Variants in SPTBN1 observed in about 807,000 individuals in gnomAD.
The protein encoded by SPTBN1 is spectrin beta chain, non-erythrocytic 1.
Under a neutral mutation model 266.4 loss-of-function variants are expected in SPTBN1, and 32 were observed. The observed-to-expected ratio is 0.12, with a 90% CI of 0.09 to 0.16. SPTBN1 has a LOEUF of 0.16. Among genes scored for constraint, SPTBN1 ranks in the 10% least tolerant of loss-of-function variants. The pLI is 1.00. For missense variants in SPTBN1, 2,296 were observed against 3,067.1 expected (o/e 0.75, Z 5.94); for synonymous variants, 1,336 against 1,162.2 (o/e 1.15, Z -3.04).
At chr2:54,496,461 T>G (rs1325517186) in intron 1 of SPTBN1, among the ~76,000 whole-genome samples, 1 of 120,880 alleles carries the variant, frequency 8.3e-6, no homozygotes, top group Non-Finnish European at 1.8e-5. Flanking sequence ...AAAAAAAAAG[T>G]ATGAATAACA....
At chr2:54,610,040 C>T (rs1043415088) in intron 3 of SPTBN1, among the ~76,000 whole-genome samples, 1 of 114,224 alleles carries the variant, frequency 8.8e-6, no homozygotes, top group Non-Finnish European at 1.9e-5. Context: ...AGGGCACTTT[C>T]GTCTGCATTA....
chr2:54,629,270 G>A lies in SPTBN1; in HGVS notation c.2136G>A (p.Ser712=), dbSNP rs146810411. 2.9e-4 allele frequency: 463 copies of A among 1,614,036 alleles called. 5 individuals carry two copies. In the East Asian group the frequency reaches 7.2e-3, roughly 25 times the overall value. The change falls in exon 14 of 36, where the codon TCG becomes TCA. Residue 712 remains serine (S), a synonymous_variant. Transcript: ENST00000356805. ...EDMIAEEHFG[S]EKIRERIIYI... is the part of the protein sequence containing the mutation. ...TGATCGCGGAGGAGCACTTCGGGTC[G>A]GAGAAGATCCGTGAGAGGATCATTT... is the stretch of plus-strand genomic sequence containing the variant.
At chr2:54,581,862 A>G (rs1443284036) in intron 2 of SPTBN1, among the ~76,000 whole-genome samples, 2 of 152,170 alleles carry the variant, frequency 1.3e-5, no homozygotes, top group Non-Finnish European at 2.9e-5. Context: ...TAATTACCAC[A>G]AGCTATGCTT....
chr2:54,651,305 C>T (rs1287282323), intron 26 of SPTBN1, among the ~76,000 whole-genome samples: 7 of 152,138 alleles, frequency 4.6e-5, no homozygotes, highest in African/African-American at 1.7e-4. Flanking sequence ...AGAAGGGTCT[C>T]GGAACATCCA....
intron 2 of SPTBN1, among the ~76,000 whole-genome samples, chr2:54,531,707 G>A (rs1372075246): frequency 6.6e-6 from 1 of 151,678 alleles, no homozygotes; most frequent in Non-Finnish European, 1.5e-5. Context: ...CACTTCCAGT[G>A]CCTAGTTCTT....
At chr2:54,505,110 C>G (rs1669484771) in intron 1 of SPTBN1, among the ~76,000 whole-genome samples, 1 of 152,224 alleles carries the variant, frequency 6.6e-6, no homozygotes, top group African/African-American at 2.4e-5. Context: ...GAAATATCTT[C>G]TGAGCCTCAT....
At chr2:54,581,577 C>CTTTTTTTTTTTTTTTTTTTTTTTTT (rs70944181) in intron 2 of SPTBN1, among the ~76,000 whole-genome samples, 14 of 102,656 alleles carry the variant, frequency 1.4e-4, no homozygotes, top group Admixed American at 2.2e-4. Flanking sequence ...TTTCTTTGCC[C>CTTTTTTTTTTTTTTTTTTTTTTTTT]TTTTTTTTTT....
chr2:54,533,349 AGTG>A lies in SPTBN1; in HGVS notation c.148+6784_148+6786del, dbSNP rs1250439979. 2.8e-5 allele frequency among the ~76,000 whole-genome samples: 4 copies of A among 141,968 alleles called. No individual in the cohort carries two copies. The highest frequency in any genetic ancestry group is 1.4e-4 in the Admixed American group (2 of 14,164). The allele number at this position is 141,968 out of a possible 152,430, so 93.1% of individuals were successfully genotyped here. On this transcript the variant is annotated intron_variant, in intron 2 of 35. Transcript: ENST00000356805. This position sits in a 1 kb window ranked among gnomAD's most constrained non-coding sequence, Gnocchi z 4.2. ...AGTGAAACCCAGGCTAAAGGGGACT[AGTG>A]TGTGTGTGTGTGTGTGTGTGTGTGT... is the stretch of plus-strand genomic sequence containing the variant.
At chr2:54,556,426 T>C (rs1170613046) in intron 2 of SPTBN1, among the ~76,000 whole-genome samples, 3 of 152,210 alleles carry the variant, frequency 2.0e-5, no homozygotes, top group South Asian at 4.1e-4. Flanking sequence ...AATTATTTCA[T>C]GTACTAACCC....
At chr2:54,596,343 A>T (rs984092208) in intron 2 of SPTBN1, among the ~76,000 whole-genome samples, 1 of 152,104 alleles carries the variant, frequency 6.6e-6, no homozygotes, top group African/African-American at 2.4e-5. Context: ...CACCAAATAG[A>T]TTTCTTTTCC....
rs776444487 is a variant in SPTBN1, at chr2:54,644,445, C to T, written c.4128C>T (p.Leu1376=). The T allele has an allele frequency of 6.2e-7, 1 of 1,614,228 alleles. No individual in the cohort carries two copies. The highest frequency in any genetic ancestry group is 2.2e-5 in the East Asian group (1 of 44,888). ...ESTTQTKAQR[L]FDANKAELFT... is the part of the protein sequence containing the mutation. ...CTACCCAGACAAAGGCCCAGCGGCT[C>T]TTTGATGCAAACAAGGCCGAACTTT... is the stretch of plus-strand genomic sequence containing the variant. The change falls in exon 20 of 36, where the codon CTC becomes CTT. Residue 1376 remains leucine, a synonymous_variant. Transcript: ENST00000356805.
At chr2:54,470,559 C>T (rs1404556171) in intron 1 of SPTBN1, among the ~76,000 whole-genome samples, 2 of 152,198 alleles carry the variant, frequency 1.3e-5, no homozygotes, top group Non-Finnish European at 2.9e-5. Flanking sequence ...TGGAATGTAG[C>T]AGCATTTGAA....
chr2:54,621,843 G>A (rs982738158), intron 8 of SPTBN1, among the ~76,000 whole-genome samples: 3 of 152,140 alleles, frequency 2.0e-5, no homozygotes, highest in South Asian at 2.1e-4. Context: ...CCCCAGCATC[G>A]TGCTTTTTAC....
Position 54,558,173 on chromosome 2 carries a change from C to G in SPTBN1, c.148+31607C>G, listed in dbSNP as rs973065530. The G allele has an allele frequency of 1.0e-6, 1 of 985,280 alleles. No individual in the cohort carries two copies. Among genetic ancestry groups the G allele is most frequent in the African/African-American group, 1.7e-5 (1 of 57,246 alleles). The allele number at this position is 985,280 out of a possible 1,614,324, so 61.0% of individuals were successfully genotyped here. Reference sequence around the variant, plus strand: ...CTACCGCGGCGAGTCCAGGGCCCGGCCGGGGGTCGGCGGCTGCCGGGCGGC... The same window carrying G: ...CTACCGCGGCGAGTCCAGGGCCCGGGCGGGGGTCGGCGGCTGCCGGGCGGC... On this transcript the variant is annotated intron_variant, in intron 2 of 35. Coordinates refer to ENST00000356805, the MANE Select transcript of SPTBN1 (RefSeq NM_003128.3). This position sits in a 1 kb window ranked among gnomAD's most constrained non-coding sequence, Gnocchi z 4.6.
intron 2 of SPTBN1, among the ~76,000 whole-genome samples, chr2:54,589,422 C>G (rs935970995): frequency 1.3e-5 from 2 of 152,164 alleles, no homozygotes; most frequent in Non-Finnish European, 1.5e-5. Context: ...AAGAAAGGCC[C>G]TCTGGAAGCT....
chr2:54,544,228 A>G (rs1303131049), intron 2 of SPTBN1, among the ~76,000 whole-genome samples: 1 of 152,220 alleles, frequency 6.6e-6, no homozygotes, highest in African/African-American at 2.4e-5. Flanking sequence ...TCTGGGTTCC[A>G]GGCAGTAATT....
Position 54,526,583 on chromosome 2 carries a change from TGTCACAGAGGCCCAGGATGCC to T in SPTBN1, c.148+18_148+38del. On this transcript the variant is annotated intron_variant, in intron 2 of 35. Transcript: ENST00000356805. ...CTCTGGCAGGTGAGTCCTTCACACC[TGTCACAGAGGCCCAGGATGCC>T]TAAAATCAGGATGCCCCTTAAAATC... 6.2e-7 allele frequency: 1 copy of T among 1,608,212 alleles called. No homozygotes were observed. Among genetic ancestry groups the T allele is most frequent in the South Asian group, 1.1e-5 (1 of 90,496 alleles).
intron 2 of SPTBN1, among the ~76,000 whole-genome samples, chr2:54,556,279 C>G (rs1672868122): frequency 6.6e-6 from 1 of 152,184 alleles, no homozygotes; most frequent in Non-Finnish European, 1.5e-5. Flanking sequence ...AAACCCTTCC[C>G]CAGTGTCCAA....
At chr2:54,594,389 A>G (rs1675906374) in intron 2 of SPTBN1, among the ~76,000 whole-genome samples, 1 of 152,236 alleles carries the variant, frequency 6.6e-6, no homozygotes, top group African/African-American at 2.4e-5. Context: ...CTGTTTACAC[A>G]ATATTTACAT....
Sources: gnomAD v4.1 joint callset for allele counts (sites outside exome capture counted in the v4.1 genomes callset) on GRCh38, gnomAD v4.1.1 for gene constraint, Gnocchi (gnomAD v3.1) non-coding constraint, MANE v1.5 for transcripts, NCBI Gene and HGNC (gene_info 2026-07-23, HGNC 2026-07-21) for gene names.